The following FER1L6 variants were observed in gnomAD, a reference collection of about 807,000 sequenced individuals.
FER1L6 encodes the protein fer-1 like family member 6, also known as fer-1-like protein 6.
In FER1L6, 177 loss-of-function variants were observed where a neutral mutation model predicts 219.2. The observed-to-expected ratio is 0.81, with a 90% CI of 0.71 to 0.91. FER1L6 has a LOEUF of 0.91. FER1L6 is among the 40% of genes least tolerant of loss of function. The probability of loss-of-function intolerance (pLI) is 0.00; values close to 1 mark genes in which losing one functional copy is unlikely to be tolerated. For synonymous variants in FER1L6, 768 were observed against 824.3 expected (o/e 0.93, Z 1.17); for missense variants, 2,153 against 2,259.9 (o/e 0.95, Z 0.96).
intron 1 of FER1L6, among the ~76,000 whole-genome samples, chr8:123,941,783 GT>G (rs1266956481): frequency 1.3e-5 from 2 of 152,164 alleles, no homozygotes; most frequent in Non-Finnish European, 2.9e-5. Flanking sequence ...ATGAGATCTT[GT>G]TTTTGTGAAG....
At chr8:123,865,870 G>T (rs965648488) in intron 1 of FER1L6, among the ~76,000 whole-genome samples, 1 of 148,204 alleles carries the variant, frequency 6.7e-6, no homozygotes, top group Non-Finnish European at 1.5e-5. Flanking sequence ...ACTGGCCTGC[G>T]CCCACTGTCT....
At chr8:123,902,937 G>T (rs1394632577) in intron 1 of FER1L6, among the ~76,000 whole-genome samples, 1 of 152,080 alleles carries the variant, frequency 6.6e-6, no homozygotes, top group Non-Finnish European at 1.5e-5. Flanking sequence ...GTTTTGTTGT[G>T]TTTCCAGAAT....
intron 25 of FER1L6, among the ~76,000 whole-genome samples, chr8:124,063,761 G>A (rs937641637): frequency 2.0e-5 from 3 of 152,164 alleles, no homozygotes; most frequent in Admixed American, 6.5e-5. Flanking sequence ...TGGGGGTACC[G>A]AACTGGGAAA....
chr8:124,035,953 C>T (rs1163212302), intron 19 of FER1L6: 6 of 152,344 alleles, frequency 3.9e-5, no homozygotes, highest in Admixed American at 2.0e-4. Flanking sequence ...TTTTAAAATT[C>T]AGCATGCTTT....
At chr8:124,055,282 T>TA (rs1820234335) in intron 22 of FER1L6, among the ~76,000 whole-genome samples, 1 of 151,814 alleles carries the variant, frequency 6.6e-6, no homozygotes, top group Non-Finnish European at 1.5e-5. Context: ...CTACAAAAAA[T>TA]AAAAAATTAG....
intron 1 of FER1L6, among the ~76,000 whole-genome samples, chr8:123,940,566 G>A (rs1814199763): frequency 6.6e-6 from 1 of 152,144 alleles, no homozygotes; most frequent in African/African-American, 2.4e-5. Context: ...TTGACCTCCT[G>A]GCCTCAAGCA....
rs1816295050 is a variant in FER1L6 at position 123,980,877 on chromosome 8, C to T, written c.1410+66C>T. 31 of 1,332,228 alleles carry T rather than the reference C, an allele frequency of 2.3e-5. No individual in the cohort carries two copies. The South Asian group carries it at 4.3e-4, about 19-fold the overall frequency. 82.5% of individuals were successfully genotyped at this position (1,332,228 alleles called of 1,614,324 possible). A position where few individuals can be genotyped will look rare whatever the true frequency, so the allele number is the denominator to read the frequency against. The stretch of plus-strand genomic sequence containing the variant: ...TGAACCAGAGCAGGGACTGCCCCTG[C>T]CACAGGTTCCTGAAGGTGTTGTCAG... On this transcript the variant is annotated intron_variant, in intron 11 of 40. Coordinates refer to ENST00000522917, the MANE Select transcript of FER1L6 (RefSeq NM_001039112.2).
chr8:124,092,838 G>A (rs566115648), intron 34 of FER1L6, among the ~76,000 whole-genome samples: 157 of 134,620 alleles, frequency 1.2e-3, no homozygotes, highest in African/African-American at 4.1e-3. Context: ...GAGAGAAAGC[G>A]GGGAAGTGCT....
chr8:124,110,792 G>A (rs1409178624), intron 39 of FER1L6, among the ~76,000 whole-genome samples: 1 of 152,164 alleles, frequency 6.6e-6, no homozygotes, highest in Admixed American at 6.5e-5. Context: ...TACTTGATTA[G>A]TTTTATCCAA....
At chr8:124,018,764 GA>G (rs1391784198) in intron 16 of FER1L6, among the ~76,000 whole-genome samples, 3 of 152,094 alleles carry the variant, frequency 2.0e-5, no homozygotes, top group Non-Finnish European at 4.4e-5. Context: ...TCCAAACTCT[GA>G]GCCCATCACC....
chr8:123,947,611 G>A (rs1307738670), intron 1 of FER1L6, among the ~76,000 whole-genome samples: 1 of 152,178 alleles, frequency 6.6e-6, no homozygotes, highest in Non-Finnish European at 1.5e-5. Context: ...CATTCATTGA[G>A]CCCTGCTGTG....
intron 1 of FER1L6, among the ~76,000 whole-genome samples, chr8:123,912,467 T>A (rs1263077269): frequency 6.6e-6 from 1 of 152,166 alleles, no homozygotes; most frequent in Non-Finnish European, 1.5e-5. Flanking sequence ...CCCTCAGGAA[T>A]TTTATAGCCT....
At chr8:123,882,177 C>T (rs1817121198) in intron 1 of FER1L6, among the ~76,000 whole-genome samples, 1 of 147,732 alleles carries the variant, frequency 6.8e-6, no homozygotes, top group African/African-American at 2.5e-5. Flanking sequence ...GCCCACAAAA[C>T]CACATTTTTT....
At position 123,853,849 on chromosome 8, in the gene FER1L6, T is replaced by C. The variant is rs1316957407; in HGVS notation, c.-8+1664T>C. 1.3e-5 allele frequency among the ~76,000 whole-genome samples: 2 copies of C among 152,164 alleles called. No homozygotes were observed. The highest frequency in any genetic ancestry group is 4.8e-5 in the African/African-American group (2 of 41,438). On this transcript the variant is annotated intron_variant, in intron 1 of 40. Transcript: ENST00000522917. This position sits in a 1 kb window ranked among gnomAD's most constrained non-coding sequence, Gnocchi z 6.6. ...GGCCTTGATGAAGCCACAGTGATGC[T>C]ACCCAGGGACTCTGCAGAGCTGCCA...
intron 1 of FER1L6, among the ~76,000 whole-genome samples, chr8:123,854,273 A>G (rs1816587541): frequency 6.6e-6 from 1 of 152,118 alleles, no homozygotes; most frequent in South Asian, 2.1e-4. Context: ...CCTGCATTTT[A>G]TTACTCCTTT....
chr8:123,905,125 G>A (rs758350443), intron 1 of FER1L6, among the ~76,000 whole-genome samples: 6 of 152,210 alleles, frequency 3.9e-5, no homozygotes, highest in Middle Eastern at 3.4e-3. Flanking sequence ...TGTGCAAGAC[G>A]TGCAGGTTTG....
chr8:124,030,458 G>A (rs1452738384), intron 18 of FER1L6, among the ~76,000 whole-genome samples: 1 of 152,114 alleles, frequency 6.6e-6, no homozygotes, highest in Non-Finnish European at 1.5e-5. Flanking sequence ...TCTCCTTTTA[G>A]TCTTATCCCC....
intron 39 of FER1L6, among the ~76,000 whole-genome samples, chr8:124,104,064 GGATTCCCCTA>G (rs924408269): frequency 2.0e-5 from 3 of 152,144 alleles, no homozygotes; most frequent in Admixed American, 6.5e-5. Flanking sequence ...TGTGAGGCAG[GGATTCCCCTA>G]GTACCTCACT....
intron 39 of FER1L6, among the ~76,000 whole-genome samples, chr8:124,117,421 A>C (rs1586366459): frequency 6.6e-6 from 1 of 152,310 alleles, no homozygotes; most frequent in Admixed American, 6.5e-5. Context: ...ATTTTTTCCC[A>C]CAGTTTTCAA....
Sources: gnomAD v4.1 joint callset for allele counts (sites outside exome capture counted in the v4.1 genomes callset) on GRCh38, gnomAD v4.1.1 for gene constraint, Gnocchi (gnomAD v3.1) non-coding constraint, MANE v1.5 for transcripts, NCBI Gene and HGNC (gene_info 2026-07-23, HGNC 2026-07-21) for gene names.